SLC7A2: variants seen among roughly 807,000 people sequenced by gnomAD.
SLC7A2 encodes the protein solute carrier family 7 member 2, also known as cationic amino acid transporter 2.
SLC7A2 carries 48 observed loss-of-function variants against 58.9 expected under a neutral mutation model. The ratio of observed to expected loss-of-function variants is 0.82; its 90% CI spans 0.65 to 1.04. The LOEUF is 1.04. SLC7A2 is among the 50% of genes least tolerant of loss of function. The pLI, the probability that SLC7A2 is intolerant of heterozygous loss-of-function variation, is 0.00. For synonymous variants in SLC7A2, 363 were observed against 314.5 expected (o/e 1.15, Z -1.63); for missense variants, 1,029 against 818.8 (o/e 1.26, Z -3.13).
intron 2 of SLC7A2, among the ~76,000 whole-genome samples, chr8:17,513,132 C>G (rs190579658): frequency 6.6e-6 from 1 of 152,324 alleles, no homozygotes; most frequent in South Asian, 2.1e-4. Flanking sequence ...GTGCAAATAT[C>G]TCTTCAAGAC....
chr8:17,518,231 G>C (rs1456821227), intron 2 of SLC7A2, among the ~76,000 whole-genome samples: 1 of 115,738 alleles, frequency 8.6e-6, no homozygotes, highest in African/African-American at 3.3e-5. Context: ...TTTTTTTTTT[G>C]CACAACATCC....
chr8:17,545,741 A>G (rs1303649529), intron 4 of SLC7A2, among the ~76,000 whole-genome samples: 2 of 152,020 alleles, frequency 1.3e-5, no homozygotes, highest in Non-Finnish European at 2.9e-5. Flanking sequence ...AGTCCTGCTT[A>G]TGTCCATCAA....
chr8:17,560,488 A>C lies in SLC7A2; in HGVS notation c.1459A>C (p.Thr487Pro). 7 of 1,613,946 alleles carry C rather than the reference A, an allele frequency of 4.3e-6. No homozygotes were observed. Among genetic ancestry groups the C allele is most frequent in the Non-Finnish European group, 5.9e-6 (7 of 1,179,878 alleles). Residue 487 changes from threonine to proline, a missense_variant, in exon 10 of 13, where the codon ACA (threonine) becomes CCA (proline). Transcript: ENST00000494857. ...CCTCTTCTGCCCCTCCCTTCTGCCAACACAGCAGTCAGCTTCTCTCGTGAG... is the reference window on the plus strand; with the variant it reads ...CCTCTTCTGCCCCTCCCTTCTGCCACCACAGCAGTCAGCTTCTCTCGTGAG... ...RTLFCPSLLP[T>P]QQSASLVSFL...
chr8:17,511,561 C>T (rs1470871895), intron 2 of SLC7A2, among the ~76,000 whole-genome samples: 1 of 152,152 alleles, frequency 6.6e-6, no homozygotes, highest in Non-Finnish European at 1.5e-5. Context: ...AAATTATTCA[C>T]AGAATAGATA....
rs373782192 is a variant in SLC7A2, at chr8:17,558,367, C to A, written c.1268C>A (p.Ser423Tyr). The A allele has an allele frequency of 1.2e-6, 2 of 1,613,174 alleles. No individual in the cohort carries two copies. Among genetic ancestry groups the A allele is most frequent in the South Asian group, 1.1e-5 (1 of 90,892 alleles). Reference sequence around the variant, plus strand: ...TCCATTGGCACACTCATGGCCTACTCTCTGGTGGCAGCCTGTGTTCTCATC... The same window carrying A: ...TCCATTGGCACACTCATGGCCTACTATCTGGTGGCAGCCTGTGTTCTCATC... ...MMSIGTLMAY[S>Y]LVAACVLILR... Residue 423 changes from serine to tyrosine, a missense_variant, in exon 9 of 13, where the codon TCT (serine) becomes TAT (tyrosine). Coordinates refer to ENST00000494857, the MANE Select transcript of SLC7A2 (RefSeq NM_001370338.1).
At chr8:17,530,682 C>T (rs1049862218) in intron 2 of SLC7A2, among the ~76,000 whole-genome samples, 11 of 151,944 alleles carry the variant, frequency 7.2e-5, no homozygotes, top group African/African-American at 1.9e-4. Flanking sequence ...AAGCGTTTCT[C>T]CTGCCTCAGC....
rs200994837 is a variant in SLC7A2 at position 17,551,952 on chromosome 8, G to A, written c.1021G>A (p.Val341Ile). ...YVGWGPAKYVVAAGSLCALST... is the reference protein window; with the variant it reads ...YVGWGPAKYVIAAGSLCALST... Reference sequence around the variant, plus strand: ...GGGATGGGGTCCTGCCAAATATGTCGTCGCAGCTGGTTCTCTCTGCGCCTT... The same window carrying A: ...GGGATGGGGTCCTGCCAAATATGTCATCGCAGCTGGTTCTCTCTGCGCCTT... The change falls in exon 7 of 13, where the codon GTC becomes ATC. Residue 341 changes from valine (V) to isoleucine (I), a missense_variant. Physicochemically the swap from Val to Ile is conservative, Grantham distance 29. Coordinates refer to ENST00000494857, the MANE Select transcript of SLC7A2 (RefSeq NM_001370338.1). 42 of 1,613,890 alleles carry A rather than the reference G, an allele frequency of 2.6e-5. No individual in the cohort carries two copies. The highest frequency in any genetic ancestry group is 8.9e-5 in the East Asian group (4 of 44,874).
rs372680844 is a variant in SLC7A2, at chr8:17,543,468, C to T, written c.129C>T (p.Gly43=). Residue 43 remains glycine (G), a synonymous_variant, in exon 3 of 13, where the codon GGC becomes GGT. Transcript: ENST00000494857. ...CLSTMDLIAL[G]VGSTLGAGVY... is the part of the protein sequence containing the mutation. ...CCACCATGGACCTCATTGCCCTGGGCGTTGGAAGCACCCTTGGGGCCGGGG... is the reference window on the plus strand; with the variant it reads ...CCACCATGGACCTCATTGCCCTGGGTGTTGGAAGCACCCTTGGGGCCGGGG... The T allele has an allele frequency of 1.1e-5, 17 of 1,613,978 alleles. No homozygotes were observed. In the African/African-American group the frequency reaches 1.2e-4, roughly 11 times the overall value.
At chr8:17,561,417 T>G (rs1193687846) in intron 10 of SLC7A2, among the ~76,000 whole-genome samples, 2 of 152,160 alleles carry the variant, frequency 1.3e-5, no homozygotes, top group Non-Finnish European at 2.9e-5. Flanking sequence ...ACTTATTCAC[T>G]GCCATGAGAA....
Position 17,548,825 on chromosome 8 carries a change from A to G in SLC7A2, c.680A>G (p.Asn227Ser). The change falls in exon 5 of 13, where the codon AAT becomes AGT. Residue 227 changes from asparagine (N) to serine (S), a missense_variant. Asn to Ser is a conservative substitution (Grantham distance 46, BLOSUM62 1). Transcript: ENST00000494857. ...AAGATTAGTGAAGAGTTTCTCAAAA[A>G]TATATCAGCAAGTGCCAGGTAAAAT... The part of the protein sequence containing the change: ...NWKISEEFLK[N>S]ISASAREPPS... 6.2e-7 allele frequency: 1 copy of G among 1,607,396 alleles called. No individual in the cohort carries two copies. The highest frequency in any genetic ancestry group is 8.5e-7 in the Non-Finnish European group (1 of 1,178,586).
intron 7 of SLC7A2, among the ~76,000 whole-genome samples, chr8:17,553,188 G>A (rs1318689848): frequency 6.6e-6 from 1 of 152,080 alleles, no homozygotes; most frequent in Admixed American, 6.6e-5. Flanking sequence ...GAGTAGCTAG[G>A]ATACAGGCAC....
intron 1 of SLC7A2, among the ~76,000 whole-genome samples, chr8:17,499,398 C>T (rs1008064552): frequency 1.3e-5 from 2 of 149,916 alleles, no homozygotes. Context: ...CTCTGTCCCT[C>T]TTCCCTCCAT....
intron 2 of SLC7A2, among the ~76,000 whole-genome samples, chr8:17,531,982 C>T (rs1250746004): frequency 1.3e-5 from 2 of 151,848 alleles, no homozygotes; most frequent in African/African-American, 4.8e-5. Context: ...AATCCTAACA[C>T]TTTGGGAGGC....
chr8:17,500,241 GCTCT>G (rs887261918), intron 1 of SLC7A2: 4 of 152,190 alleles, frequency 2.6e-5, no homozygotes, highest in African/African-American at 9.7e-5. Flanking sequence ...TAATTTACAT[GCTCT>G]CTCTAATACA....
chr8:17,496,687 ATTATTATTTTC>A (rs1446926300), upstream of SLC7A2, among the ~76,000 whole-genome samples: 3 of 152,152 alleles, frequency 2.0e-5, no homozygotes, highest in African/African-American at 7.2e-5. Context: ...ATTATATTTT[ATTATTATTTTC>A]TTATTTCCAA....
At chr8:17,521,421 C>A (rs998620357) in intron 2 of SLC7A2, among the ~76,000 whole-genome samples, 1 of 152,200 alleles carries the variant, frequency 6.6e-6, no homozygotes, top group African/African-American at 2.4e-5. Context: ...TTCCTTGATA[C>A]TTAATTCTAG....
intron 2 of SLC7A2, among the ~76,000 whole-genome samples, chr8:17,529,435 A>G (rs1404852243): frequency 6.6e-6 from 1 of 152,172 alleles, no homozygotes; most frequent in Non-Finnish European, 1.5e-5. Context: ...GGGGAGCAAG[A>G]GGACACATTG....
At position 17,558,353 on chromosome 8, in the gene SLC7A2, A is replaced by C. The variant is rs74514270; in HGVS notation, c.1254A>C (p.Thr418=). 52,303 of 1,613,052 alleles carry C rather than the reference A, an allele frequency of 0.032. 1,725 individuals carry two copies. The highest frequency in any genetic ancestry group is 0.13 in the South Asian group (11,846 of 90,794). Residue 418 remains threonine, a synonymous_variant, in exon 9 of 13, where the codon ACA becomes ACC. Transcript: ENST00000494857. The stretch of plus-strand genomic sequence containing the variant: ...TTGTGGACATGATGTCCATTGGCAC[A>C]CTCATGGCCTACTCTCTGGTGGCAG... The part of the protein sequence containing the change: ...KALVDMMSIG[T]LMAYSLVAAC...
chr8:17,507,513 C>T (rs11782414), intron 2 of SLC7A2, among the ~76,000 whole-genome samples: 5,025 of 152,018 alleles, frequency 0.033, 108 homozygotes, highest in Non-Finnish European at 0.046. Context: ...TGTACCTGGC[C>T]TTTTTAAATT....
Sources: allele counts gnomAD v4.1 joint callset (sites outside exome capture counted in the v4.1 genomes callset), GRCh38; gene constraint gnomAD v4.1.1; transcripts MANE v1.5; gene names NCBI Gene and HGNC (gene_info 2026-07-23, HGNC 2026-07-21).